TRHDE: variants seen among roughly 807,000 people sequenced by gnomAD.
TRHDE encodes thyrotropin-releasing hormone-degrading ectoenzyme.
TRHDE carries 72 observed loss-of-function variants against 125.7 expected under a neutral mutation model. The ratio of observed to expected loss-of-function variants is 0.57; its 90% CI spans 0.47 to 0.70. TRHDE has a LOEUF of 0.70. Ranked by LOEUF, TRHDE falls within the 30% of genes least tolerant of loss-of-function variation. The pLI, the probability that TRHDE is intolerant of heterozygous loss-of-function variation, is 0.00. For missense variants in TRHDE, 1,110 were observed against 1,327.1 expected (o/e 0.84, Z 2.54); for synonymous variants, 509 against 509.1 (o/e 1.00, Z 0.00).
intron 8 of TRHDE, 36 bp downstream of exon 8, chr12:72,562,266 C>T (rs943475057): frequency 8.7e-7 from 1 of 1,146,234 alleles, no homozygotes; most frequent in African/African-American, 1.5e-5. Flanking sequence ...AAAACCTCTA[C>T]TTGAATATTT....
chr12:72,564,653 ATTTTTTTTTTTTTTTTTTT>A (rs538823843), intron 9 of TRHDE, among the ~76,000 whole-genome samples: 2 of 54,276 alleles, frequency 3.7e-5, no homozygotes, highest in African/African-American at 6.7e-5. Flanking sequence ...ATGCGTATGA[ATTTTTTTTTTTTTTTTTTT>A]TTTTTTTTTT....
At chr12:72,403,215 T>C (rs2135804897) in intron 3 of TRHDE, among the ~76,000 whole-genome samples, 1 of 152,176 alleles carries the variant, frequency 6.6e-6, no homozygotes, top group Non-Finnish European at 1.5e-5. Context: ...GATAAAAGCT[T>C]GTTTGGTTTG....
chr12:72,309,351 A>T (rs1451129696), intron 2 of TRHDE, among the ~76,000 whole-genome samples: 2 of 152,172 alleles, frequency 1.3e-5, no homozygotes, highest in Non-Finnish European at 2.9e-5. Context: ...ATTTTTAAAA[A>T]TTTTTGCATG....
chr12:72,371,223 C>T (rs1871569012), intron 2 of TRHDE, among the ~76,000 whole-genome samples: 1 of 151,650 alleles, frequency 6.6e-6, no homozygotes, highest in East Asian at 1.9e-4. Flanking sequence ...ACTTCCCCTC[C>T]TCTGAGATGG....
At chr12:72,334,383 G>A (rs1869738643) in intron 2 of TRHDE, among the ~76,000 whole-genome samples, 1 of 152,216 alleles carries the variant, frequency 6.6e-6, no homozygotes, top group South Asian at 2.1e-4. Flanking sequence ...TTTGTTGTGA[G>A]TGCGCATTCC....
At chr12:72,542,424 G>A in intron 7 of TRHDE, 68 bp downstream of exon 7, 4 of 1,342,578 alleles carry the variant, frequency 3.0e-6, no homozygotes, top group Admixed American at 2.0e-5. Flanking sequence ...CTTAGGAAAT[G>A]GCTAATACAA....
chr12:72,318,573 G>T (rs1029796191), intron 2 of TRHDE, among the ~76,000 whole-genome samples: 1 of 152,050 alleles, frequency 6.6e-6, no homozygotes, highest in South Asian at 2.1e-4. Flanking sequence ...AGAACACCAC[G>T]GCCCAGCTGT....
rs1330031603 is a variant in TRHDE at position 72,669,019 on chromosome 12, A to G, written c.*5824A>G. The G allele has an allele frequency of 6.6e-6, 1 of 151,786 alleles. No homozygotes were observed. Among genetic ancestry groups the G allele is most frequent in the Non-Finnish European group, 1.5e-5 (1 of 67,830 alleles). The allele number at this position is 151,786 out of a possible 1,614,324, so 9.4% of individuals were successfully genotyped here. A position where few individuals can be genotyped will look rare whatever the true frequency, so the allele number is the denominator to read the frequency against. On this transcript the variant is annotated 3_prime_UTR_variant, in exon 19 of 19. Transcript: ENST00000261180. ...TCATTTCTTAACAAAGTTGCTTTAT[A>G]CGTTCCATAAAAAGTTTTCATGAAA...
At chr12:72,626,080 A>G (rs983202330) in intron 15 of TRHDE, among the ~76,000 whole-genome samples, 1 of 151,876 alleles carries the variant, frequency 6.6e-6, no homozygotes, top group Non-Finnish European at 1.5e-5. Context: ...ATGAGGCCCA[A>G]GGTTTTGTAT....
chr12:72,316,788 CTG>C (rs1006636258), intron 2 of TRHDE, among the ~76,000 whole-genome samples: 2 of 152,148 alleles, frequency 1.3e-5, no homozygotes, highest in Admixed American at 6.5e-5. Context: ...TTAAGTGACT[CTG>C]TAGTCTCTCC....
At position 72,511,573 on chromosome 12, in the gene TRHDE, C is replaced by T. The variant is rs923414511; in HGVS notation, c.1722+11938C>T. 5.3e-5 allele frequency among the ~76,000 whole-genome samples: 8 copies of T among 152,026 alleles called. No individual in the cohort carries two copies. In the South Asian group the frequency reaches 6.2e-4, roughly 12 times the overall value. On this transcript the variant is annotated intron_variant, in intron 6 of 18. Transcript: ENST00000261180. ...ATTCTGTAAAGAAAATACCTATTTGCCTTCATAAAGAAAATGTACATGGTG... is the reference window on the plus strand; with the variant it reads ...ATTCTGTAAAGAAAATACCTATTTGTCTTCATAAAGAAAATGTACATGGTG...
chr12:72,651,646 T>A (rs1874511397), intron 15 of TRHDE, among the ~76,000 whole-genome samples: 1 of 151,870 alleles, frequency 6.6e-6, no homozygotes, highest in African/African-American at 2.4e-5. Context: ...TAAGGCAAAG[T>A]AGGGATGAAA....
At chr12:72,473,567 A>G (rs2135902985) in intron 5 of TRHDE, among the ~76,000 whole-genome samples, 1 of 152,236 alleles carries the variant, frequency 6.6e-6, no homozygotes, top group South Asian at 2.1e-4. Flanking sequence ...AAAACACAAA[A>G]AATACCTAAA....
chr12:72,185,714 ACT>A (rs1288019411), intron 2 of TRHDE, among the ~76,000 whole-genome samples: 3 of 151,060 alleles, frequency 2.0e-5, no homozygotes, highest in Non-Finnish European at 4.4e-5. Context: ...ACCAATGGAC[ACT>A]CTGTATCTAG....
intron 2 of TRHDE, among the ~76,000 whole-genome samples, chr12:72,174,633 A>G (rs1876948659): frequency 6.6e-6 from 1 of 152,112 alleles, no homozygotes; most frequent in Non-Finnish European, 1.5e-5. Flanking sequence ...CAGAGCAATT[A>G]TTTTGAAGAA....
chr12:72,343,637 G>T (rs978512709), intron 2 of TRHDE, among the ~76,000 whole-genome samples: 1 of 151,924 alleles, frequency 6.6e-6, no homozygotes, highest in Non-Finnish European at 1.5e-5. Flanking sequence ...TGTTTTCAGT[G>T]TTATTTGTTT....
At chr12:72,543,829 T>TTATTAC (rs1869278041) in intron 7 of TRHDE, among the ~76,000 whole-genome samples, 1 of 146,542 alleles carries the variant, frequency 6.8e-6, no homozygotes, top group African/African-American at 2.5e-5. Flanking sequence ...ATTATTATTA[T>TTATTAC]TATGAACGTT....
rs1870259509 is a variant in TRHDE at position 72,563,053 on chromosome 12, T to C, written c.2042+13T>C. On this transcript the variant is annotated intron_variant, in intron 9 of 18. Transcript: ENST00000261180. Reference sequence around the variant, plus strand: ...TTCAGAATAACAGGTATGACATTCTTTTTTACGTGAAAAATATTGTTTTTA... The same window carrying C: ...TTCAGAATAACAGGTATGACATTCTCTTTTACGTGAAAAATATTGTTTTTA... The C allele has an allele frequency of 2.0e-6, 3 of 1,529,544 alleles. No homozygotes were observed. Among genetic ancestry groups the C allele is most frequent in the Non-Finnish European group, 2.7e-6 (3 of 1,130,024 alleles). The allele number at this position is 1,529,544 out of a possible 1,614,324, so 94.7% of individuals were successfully genotyped here.
At chr12:72,249,189 G>A (rs1878633095) in intron 2 of TRHDE, among the ~76,000 whole-genome samples, 2 of 152,082 alleles carry the variant, frequency 1.3e-5, no homozygotes, top group South Asian at 4.1e-4. Context: ...TAAAAAAAAT[G>A]ATAAATTGGA....
Sources: gnomAD v4.1 joint callset for allele counts (sites outside exome capture counted in the v4.1 genomes callset) on GRCh38, gnomAD v4.1.1 for gene constraint, MANE v1.5 for transcripts, NCBI Gene and HGNC (gene_info 2026-07-23, HGNC 2026-07-21) for gene names.